The following CTNND2 variants were observed in gnomAD, a reference collection of about 807,000 sequenced individuals.
The protein encoded by CTNND2 is catenin delta 2.
A neutral mutation model predicts 144.4 loss-of-function variants in CTNND2; 22 were observed. The observed-to-expected ratio is 0.15, with a 90% CI of 0.11 to 0.22. The LOEUF (loss-of-function observed/expected upper bound fraction) is 0.22. Among genes scored for constraint, CTNND2 ranks in the 10% least tolerant of loss-of-function variants. The probability of loss-of-function intolerance (pLI) is 1.00; values close to 1 mark genes in which losing one functional copy is unlikely to be tolerated. For synonymous variants in CTNND2, 751 were observed against 695.6 expected (o/e 1.08, Z -1.25); for missense variants, 1,353 against 1,618.8 (o/e 0.84, Z 2.82).
At chr5:11,503,674 T>C (rs1770740755) in intron 3 of CTNND2, among the ~76,000 whole-genome samples, 1 of 152,196 alleles carries the variant, frequency 6.6e-6, no homozygotes, top group Non-Finnish European at 1.5e-5. Context: ...ACACATTCAC[T>C]CAAACTCCAG....
chr5:11,061,341 T>C (rs1015240361), intron 16 of CTNND2, among the ~76,000 whole-genome samples: 1 of 152,192 alleles, frequency 6.6e-6, no homozygotes, highest in African/African-American at 2.4e-5. Context: ...CTTTTAGTAA[T>C]AAACATCTGA....
intron 12 of CTNND2, among the ~76,000 whole-genome samples, chr5:11,129,839 A>G (rs1427027624): frequency 6.6e-6 from 1 of 152,098 alleles, no homozygotes; most frequent in African/African-American, 2.4e-5. Flanking sequence ...AGCACCAACC[A>G]TAAGTACCAG....
intron 9 of CTNND2, among the ~76,000 whole-genome samples, chr5:11,242,192 A>G (rs1405558240): frequency 1.3e-5 from 2 of 152,224 alleles, no homozygotes; most frequent in Admixed American, 6.5e-5. Flanking sequence ...AATAATCTCC[A>G]GTAATAACGT....
intron 16 of CTNND2, among the ~76,000 whole-genome samples, chr5:11,081,639 A>T (rs1487481240): frequency 6.6e-6 from 1 of 152,230 alleles, no homozygotes; most frequent in Non-Finnish European, 1.5e-5. Flanking sequence ...ATATCATAAC[A>T]TCACTTTGTG....
chr5:10,985,068 C>T (rs960780163), intron 20 of CTNND2, among the ~76,000 whole-genome samples: 9 of 138,384 alleles, frequency 6.5e-5, no homozygotes, highest in Admixed American at 3.9e-4. Flanking sequence ...AGTGAAACTC[C>T]GTCTCAAAAA....
chr5:11,745,723 C>T (rs1353719916), intron 1 of CTNND2, among the ~76,000 whole-genome samples: 1 of 152,192 alleles, frequency 6.6e-6, no homozygotes, highest in Non-Finnish European at 1.5e-5. Flanking sequence ...CTCCTTCAAT[C>T]AAGTCCATGC....
Position 11,329,806 on chromosome 5 carries a change from G to T in CTNND2, c.1628+16566C>A, listed in dbSNP as rs535719539. Among the ~76,000 whole-genome samples, 9 of 152,262 alleles carry T rather than the reference G, an allele frequency of 5.9e-5. No individual in the cohort carries two copies. The East Asian group carries it at 1.7e-3, about 29-fold the overall frequency. ...CCCGATTCTCAGCGCCATCCCCAAGGCTCCTGCCATGGTCCCAAAGCAGCT... is the reference window on the plus strand; with the variant it reads ...CCCGATTCTCAGCGCCATCCCCAAGTCTCCTGCCATGGTCCCAAAGCAGCT... On this transcript the variant is annotated intron_variant, in intron 9 of 21. Transcript: ENST00000304623.
intron 9 of CTNND2, among the ~76,000 whole-genome samples, chr5:11,299,875 T>C (rs1219356476): frequency 1.3e-5 from 2 of 152,178 alleles, no homozygotes; most frequent in Non-Finnish European, 2.9e-5. Context: ...AAGGGAGATC[T>C]GGCAAAGGCA....
At chr5:11,136,696 T>G (rs1580388087) in intron 12 of CTNND2, among the ~76,000 whole-genome samples, 10 of 152,238 alleles carry the variant, frequency 6.6e-5, no homozygotes, top group Admixed American at 6.5e-4. Context: ...ATCTCTTATA[T>G]GTTCTCTCTG....
intron 9 of CTNND2, among the ~76,000 whole-genome samples, chr5:11,273,643 T>C (rs890157664): frequency 3.8e-4 from 58 of 152,182 alleles, no homozygotes; most frequent in Admixed American, 1.0e-3. Context: ...TTAATAAGCA[T>C]TGCAGGGAGA....
At chr5:11,450,647 C>T (rs1765222029) in intron 3 of CTNND2, among the ~76,000 whole-genome samples, 1 of 152,120 alleles carries the variant, frequency 6.6e-6, no homozygotes, top group African/African-American at 2.4e-5. Flanking sequence ...TGCCTGTAAT[C>T]CCAGCACTTT....
At chr5:11,672,104 G>T (rs373084866) in intron 2 of CTNND2, among the ~76,000 whole-genome samples, 9 of 152,180 alleles carry the variant, frequency 5.9e-5, no homozygotes, top group Non-Finnish European at 1.5e-5. Context: ...GGGTATCACC[G>T]GCAGAGGCTG....
At chr5:11,516,291 T>G (rs2150032606) in intron 3 of CTNND2, among the ~76,000 whole-genome samples, 1 of 152,042 alleles carries the variant, frequency 6.6e-6, no homozygotes, top group Admixed American at 6.6e-5. Context: ...CTCTCAACAC[T>G]TCTACTCAAC....
intron 9 of CTNND2, among the ~76,000 whole-genome samples, chr5:11,277,920 G>C (rs2521743): frequency 0.31 from 46,383 of 151,610 alleles, 7,131 homozygotes; most frequent in Middle Eastern, 0.38. Flanking sequence ...CATAGCTCCG[G>C]TCTCTCTCTC....
At chr5:11,378,904 A>G (rs10066748) in intron 7 of CTNND2, among the ~76,000 whole-genome samples, 15,407 of 152,180 alleles carry the variant, frequency 0.1, 1,436 homozygotes, top group East Asian at 0.23. Context: ...TAAATACTGA[A>G]TTTTATGTCC....
chr5:11,377,088 T>C (rs966046878), intron 7 of CTNND2, among the ~76,000 whole-genome samples: 3 of 151,772 alleles, frequency 2.0e-5, no homozygotes, highest in African/African-American at 7.3e-5. Flanking sequence ...GCTCATTCTG[T>C]TGCCCAGGCT....
intron 2 of CTNND2, among the ~76,000 whole-genome samples, chr5:11,718,396 G>A (rs191446278): frequency 1.1e-4 from 16 of 152,204 alleles, no homozygotes; most frequent in Non-Finnish European, 1.5e-4. Flanking sequence ...CTGAGCTCCC[G>A]CTTCTGTAGG....
chr5:10,989,234 G>A (rs920740374), intron 19 of CTNND2, among the ~76,000 whole-genome samples: 2 of 152,154 alleles, frequency 1.3e-5, no homozygotes, highest in East Asian at 1.9e-4. Flanking sequence ...AGCTGGTCGC[G>A]CACCCCACCC....
chr5:11,897,759 T>C (rs978547910), intron 1 of CTNND2, among the ~76,000 whole-genome samples: 2 of 152,190 alleles, frequency 1.3e-5, no homozygotes, highest in Non-Finnish European at 2.9e-5. Flanking sequence ...CAAAATACCA[T>C]GAAATATTTA....
Sources: gnomAD v4.1 joint callset for allele counts (sites outside exome capture counted in the v4.1 genomes callset) on GRCh38, gnomAD v4.1.1 for gene constraint, MANE v1.5 for transcripts, NCBI Gene and HGNC (gene_info 2026-07-23, HGNC 2026-07-21) for gene names.